ATP8B1: variants seen among roughly 807,000 people sequenced by gnomAD.
The protein encoded by ATP8B1 is ATPase phospholipid transporting 8B1, also known as phospholipid-transporting ATPase IC.
In ATP8B1, 80 loss-of-function variants were observed where a neutral mutation model predicts 149.9. The ratio of observed to expected loss-of-function variants is 0.53; its 90% CI spans 0.45 to 0.64. ATP8B1 has a LOEUF of 0.64. ATP8B1 is among the 30% of genes least tolerant of loss of function. ATP8B1 has a pLI of 0.00. For synonymous variants in ATP8B1, 536 were observed against 562.8 expected (o/e 0.95, Z 0.67); for missense variants, 1,247 against 1,552.6 (o/e 0.80, Z 3.31).
At chr18:57,793,251 G>A (rs796636122) in intron 1 of ATP8B1, among the ~76,000 whole-genome samples, 13 of 151,992 alleles carry the variant, frequency 8.6e-5, no homozygotes, top group Non-Finnish European at 1.8e-4. Context: ...TTGGCATTTC[G>A]ATCTATCAAA....
chr18:57,721,269 A>T (rs2079643403), intron 2 of ATP8B1, among the ~76,000 whole-genome samples: 1 of 148,362 alleles, frequency 6.7e-6, no homozygotes, highest in Admixed American at 6.8e-5. Flanking sequence ...ATGTAAATGG[A>T]CTAAATTCTC....
chr18:57,695,113 C>A (rs1912741128), intron 10 of ATP8B1, 58 bp downstream of exon 10: 2 of 1,555,008 alleles, frequency 1.3e-6, no homozygotes, highest in South Asian at 1.1e-5. Context: ...GAAAAGCAAT[C>A]CCCTCTAAGT....
chr18:57,713,291 T>G (rs1913826311), intron 2 of ATP8B1, among the ~76,000 whole-genome samples: 1 of 147,166 alleles, frequency 6.8e-6, no homozygotes, highest in East Asian at 2.0e-4. Flanking sequence ...TTTCTTTCTC[T>G]CTCTCTCTCT....
intron 17 of ATP8B1, 118 bp downstream of exon 17, chr18:57,671,350 A>AGG: frequency 1.1e-6 from 1 of 898,432 alleles, no homozygotes; most frequent in Non-Finnish European, 1.8e-6. Flanking sequence ...TTCCACCCCA[A>AGG]CTATTGCAAA....
In ATP8B1 at chr18:57,662,474, G is replaced by A; in HGVS notation, c.2418+9C>T. ...GAGTTAAAGGCACAGATACACTAATGATACGTACCAACCAAGAACCAGTGA... is the reference window on the plus strand; with the variant it reads ...GAGTTAAAGGCACAGATACACTAATAATACGTACCAACCAAGAACCAGTGA... On this transcript the variant is annotated intron_variant, in intron 21 of 27. Coordinates refer to ENST00000648908, the MANE Select transcript of ATP8B1 (RefSeq NM_001374385.1). 2.5e-6 allele frequency: 4 copies of A among 1,614,026 alleles called. No homozygotes were observed. The highest frequency in any genetic ancestry group is 3.4e-6 in the Non-Finnish European group (4 of 1,179,946).
Position 57,661,721 on chromosome 18 carries a change from T to A in ATP8B1, c.2419-259A>T, listed in dbSNP as rs1455245887. On this transcript the variant is annotated intron_variant, in intron 21 of 27. Coordinates refer to ENST00000648908, the MANE Select transcript of ATP8B1 (RefSeq NM_001374385.1). ...CATATATATATATATATATTTTTTT[T>A]TTTTTTTTTTTTGAGATGGAGTCTC... Among the ~76,000 whole-genome samples the A allele has an allele frequency of 7.5e-3, 916 of 122,136 alleles. 4 individuals are homozygous for A. Among genetic ancestry groups the A allele is most frequent in the South Asian group, 0.015 (50 of 3,358 alleles). 80.1% of individuals were successfully genotyped at this position (122,136 alleles called of 152,430 possible).
chr18:57,791,793 T>G (rs2123453414), intron 1 of ATP8B1, among the ~76,000 whole-genome samples: 1 of 152,330 alleles, frequency 6.6e-6, no homozygotes, highest in Non-Finnish European at 1.5e-5. Flanking sequence ...TATCTTATTT[T>G]TCTTTAAGGC....
chr18:57,735,051 T>C (rs2079833255), intron 1 of ATP8B1: 1 of 152,276 alleles, frequency 6.6e-6, no homozygotes, highest in African/African-American at 2.4e-5. Context: ...GATCGGGATA[T>C]AAACCCAGGC....
At chr18:57,674,241 C>CAAAAAAAAAAAA (rs745500180) in intron 16 of ATP8B1, among the ~76,000 whole-genome samples, 1 of 82,594 alleles carries the variant, frequency 1.2e-5, no homozygotes. Flanking sequence ...GACTCCATCT[C>CAAAAAAAAAAAA]AAAAAAAAAA....
At chr18:57,654,276 G>C (rs765418216) in intron 23 of ATP8B1, among the ~76,000 whole-genome samples, 1 of 151,882 alleles carries the variant, frequency 6.6e-6, no homozygotes, top group Non-Finnish European at 1.5e-5. Flanking sequence ...CAAAGTGTTG[G>C]GATTATAGGC....
intron 8 of ATP8B1, among the ~76,000 whole-genome samples, chr18:57,696,500 C>G (rs1296022755): frequency 6.7e-6 from 1 of 150,194 alleles, no homozygotes; most frequent in Admixed American, 6.7e-5. Context: ...ACCAATTAGC[C>G]TGTACAATTA....
chr18:57,758,930 G>A (rs914428120), intron 1 of ATP8B1, among the ~76,000 whole-genome samples: 1 of 151,924 alleles, frequency 6.6e-6, no homozygotes, highest in Non-Finnish European at 1.5e-5. Context: ...GGTTGAGGCG[G>A]GAGGATCACA....
chr18:57,797,802 G>T (rs1438160576), intron 1 of ATP8B1, among the ~76,000 whole-genome samples: 2 of 146,256 alleles, frequency 1.4e-5, no homozygotes, highest in Non-Finnish European at 3.0e-5. Context: ...CACCTCCCAG[G>T]CTCAAGCAAT....
intron 3 of ATP8B1, among the ~76,000 whole-genome samples, chr18:57,705,539 G>A (rs7234677): frequency 0.013 from 1,987 of 152,308 alleles, 42 homozygotes; most frequent in African/African-American, 0.046. Context: ...CCCTATAAGA[G>A]GAAAGTTGCA....
At chr18:57,764,337 TTCTTTTTCTTTCTTTCTC>T (rs1299319647) in intron 1 of ATP8B1, among the ~76,000 whole-genome samples, 1 of 54,038 alleles carries the variant, frequency 1.9e-5, no homozygotes, top group Non-Finnish European at 4.1e-5. Flanking sequence ...CTTTCTTTCT[TTCTTTTTCTTTCTTTCTC>T]TCCCTCTTTC....
At chr18:57,787,233 A>G (rs138718953) in intron 1 of ATP8B1, among the ~76,000 whole-genome samples, 1 of 152,362 alleles carries the variant, frequency 6.6e-6, no homozygotes, top group African/African-American at 2.4e-5. Flanking sequence ...ACGGTCACCA[A>G]TCTTTATATA....
At chr18:57,717,679 A>G (rs1040228313) in intron 2 of ATP8B1, among the ~76,000 whole-genome samples, 3 of 151,922 alleles carry the variant, frequency 2.0e-5, no homozygotes, top group Admixed American at 2.0e-4. Flanking sequence ...CATTGAAACA[A>G]AGAAAACAAT....
chr18:57,651,498 G>A (rs1374646008), intron 26 of ATP8B1, among the ~76,000 whole-genome samples: 1 of 152,156 alleles, frequency 6.6e-6, no homozygotes, highest in African/African-American at 2.4e-5. Context: ...CAGCGCTATT[G>A]TAAAGCTATT....
At chr18:57,782,530 G>A (rs1332149201) in intron 1 of ATP8B1, among the ~76,000 whole-genome samples, 1 of 152,134 alleles carries the variant, frequency 6.6e-6, no homozygotes, top group East Asian at 1.9e-4. Flanking sequence ...TCCCAGACTG[G>A]CTAATAAGAC....
Sources: allele counts gnomAD v4.1 joint callset (sites outside exome capture counted in the v4.1 genomes callset), GRCh38; gene constraint gnomAD v4.1.1; transcripts MANE v1.5; gene names NCBI Gene and HGNC (gene_info 2026-07-23, HGNC 2026-07-21).